The following NEK10 variants were observed in gnomAD, a reference collection of about 807,000 sequenced individuals.
NEK10 encodes NIMA related kinase 10.
NEK10 carries 122 observed loss-of-function variants against 159.8 expected under a neutral mutation model. The ratio of observed to expected loss-of-function variants is 0.76; its 90% CI spans 0.66 to 0.89. The LOEUF (loss-of-function observed/expected upper bound fraction) is 0.89, where lower values mean the gene tolerates loss of function less well. Ranked by LOEUF, NEK10 falls within the 40% of genes least tolerant of loss-of-function variation. NEK10 has a pLI of 0.00. For missense variants in NEK10, 1,342 were observed against 1,323.1 expected, an observed-to-expected ratio of 1.01 and a Z score of -0.22; for synonymous variants, 466 against 457.1, an observed-to-expected ratio of 1.02 and a Z score of -0.25.
intron 26 of NEK10, among the ~76,000 whole-genome samples, chr3:27,191,808 A>C (rs560141232): frequency 6.6e-6 from 1 of 152,226 alleles, no homozygotes; most frequent in Non-Finnish European, 1.5e-5. Context: ...GATTTTTGCA[A>C]AAATAAAATA....
At chr3:27,242,039 T>C (rs1954612136) in intron 23 of NEK10, among the ~76,000 whole-genome samples, 1 of 152,174 alleles carries the variant, frequency 6.6e-6, no homozygotes, top group African/African-American at 2.4e-5. Flanking sequence ...ATGGTTAAAC[T>C]TGAATCAAGA....
rs576127738 is a variant in NEK10 at position 27,107,677 on chromosome 3, C to G, written c.*3595G>C. ...ATTAAGCTTCCCTTACGTTGGAGCC[C>G]TTCATAGCTGTAACTCCAGGGTGCC... On this transcript the variant is annotated 3_prime_UTR_variant, in exon 36 of 36. Transcript: ENST00000691995. Among the ~76,000 whole-genome samples, 20 of 152,240 alleles carry G rather than the reference C, an allele frequency of 1.3e-4. No individual in the cohort carries two copies. Among genetic ancestry groups the G allele is most frequent in the African/African-American group, 4.8e-4 (20 of 41,546 alleles).
At chr3:27,321,631 G>A (rs2045646217) in intron 6 of NEK10, among the ~76,000 whole-genome samples, 1 of 152,176 alleles carries the variant, frequency 6.6e-6, no homozygotes, top group South Asian at 2.1e-4. Flanking sequence ...ATAGGCGTGA[G>A]CCACCATGCC....
At chr3:27,166,743 T>C (rs1946523060) in intron 29 of NEK10, among the ~76,000 whole-genome samples, 1 of 152,220 alleles carries the variant, frequency 6.6e-6, no homozygotes, top group East Asian at 1.9e-4. Flanking sequence ...GTGGATCACC[T>C]GAAGTCAAGA....
chr3:27,145,315 C>T (rs1178831586), intron 30 of NEK10, among the ~76,000 whole-genome samples: 3 of 152,072 alleles, frequency 2.0e-5, no homozygotes, highest in African/African-American at 7.2e-5. Context: ...AATATATACA[C>T]AATATTTGGT....
At position 27,337,033 on chromosome 3, in the gene NEK10, G is replaced by A. The variant is rs575016793; in HGVS notation, c.362+7239C>T. 5.3e-5 allele frequency among the ~76,000 whole-genome samples: 8 copies of A among 151,976 alleles called. No individual in the cohort carries two copies. In the East Asian group the frequency reaches 1.2e-3, roughly 22 times the overall value. Reference sequence around the variant, plus strand: ...AATAAAAGGCATACACATTTGGCGGGGGGGAAAGGAAGATGTACCTCTTTG... The same window carrying A: ...AATAAAAGGCATACACATTTGGCGGAGGGGAAAGGAAGATGTACCTCTTTG... On this transcript the variant is annotated intron_variant, in intron 5 of 35. Transcript: ENST00000691995.
chr3:27,306,573 G>A (rs138460032), intron 11 of NEK10, among the ~76,000 whole-genome samples: 67 of 152,250 alleles, frequency 4.4e-4, no homozygotes, highest in African/African-American at 1.5e-3. Flanking sequence ...AAACAAATTT[G>A]ATCATGCTTA....
chr3:27,210,907 A>G (rs1950951492), intron 23 of NEK10, among the ~76,000 whole-genome samples: 3 of 152,234 alleles, frequency 2.0e-5, no homozygotes, highest in Admixed American at 2.0e-4. Context: ...AGAGTGGTAG[A>G]TAACTGCTAC....
chr3:27,246,848 A>G (rs1955120531), intron 23 of NEK10, among the ~76,000 whole-genome samples: 1 of 152,046 alleles, frequency 6.6e-6, no homozygotes, highest in Non-Finnish European at 1.5e-5. Flanking sequence ...TAGGTATTTT[A>G]CTTTATTTGT....
intron 23 of NEK10, among the ~76,000 whole-genome samples, chr3:27,254,065 C>T (rs1045406005): frequency 5.3e-5 from 8 of 152,122 alleles, no homozygotes; most frequent in African/African-American, 1.2e-4. Flanking sequence ...ACCTCTCATC[C>T]GGTGCGCAGG....
chr3:27,284,944 C>G lies in NEK10; in HGVS notation c.1807G>C (p.Val603Leu), dbSNP rs1305990344. Residue 603 changes from valine (V) to leucine (L), a missense_variant, in exon 21 of 36, where the codon GTT becomes CTT. By Grantham distance (32) the Val-to-Leu change is conservative (BLOSUM62 1). Coordinates refer to ENST00000691995, the MANE Select transcript of NEK10 (RefSeq NM_001394966.1). ...TFLENDRLYI[V>L]MELIEGAPLG... ...GGGGCTCCTTCTATCAGCTCCATAA[C>G]TATGTACAACCTATCATCTATATAA... is the stretch of plus-strand genomic sequence containing the variant. 6.2e-7 allele frequency: 1 copy of G among 1,603,798 alleles called. No individual in the cohort carries two copies. Among genetic ancestry groups the G allele is most frequent in the East Asian group, 2.2e-5 (1 of 44,824 alleles).
At chr3:27,273,605 A>G (rs2041544242) in intron 22 of NEK10, among the ~76,000 whole-genome samples, 1 of 152,204 alleles carries the variant, frequency 6.6e-6, no homozygotes, top group South Asian at 2.1e-4. Context: ...AAAAATTTTT[A>G]TCATCTTAAA....
chr3:27,224,401 C>A (rs780299504), intron 23 of NEK10, among the ~76,000 whole-genome samples: 5 of 152,240 alleles, frequency 3.3e-5, no homozygotes, highest in Non-Finnish European at 7.3e-5. Context: ...TACTCCCGCC[C>A]CCACAACACT....
At chr3:27,289,829 T>C (rs767278442) in intron 19 of NEK10, among the ~76,000 whole-genome samples, 3 of 152,202 alleles carry the variant, frequency 2.0e-5, no homozygotes, top group Non-Finnish European at 2.9e-5. Flanking sequence ...AATGATAATA[T>C]TTACTATAAT....
intron 5 of NEK10, among the ~76,000 whole-genome samples, chr3:27,327,265 T>TA (rs1553637172): frequency 6.6e-6 from 1 of 152,128 alleles, no homozygotes; most frequent in African/African-American, 2.4e-5. Context: ...CAGAGTGGCA[T>TA]GGGGGCAGCC....
chr3:27,167,780 T>TA (rs1307546272), intron 29 of NEK10, among the ~76,000 whole-genome samples: 3 of 152,180 alleles, frequency 2.0e-5, no homozygotes, highest in African/African-American at 7.2e-5. Flanking sequence ...CTATATTCCT[T>TA]AAAAAAAGTT....
chr3:27,230,902 GAT>G, intron 23 of NEK10, among the ~76,000 whole-genome samples: 1 of 151,954 alleles, frequency 6.6e-6, no homozygotes, highest in East Asian at 1.9e-4. Flanking sequence ...AAATGAGATA[GAT>G]AGCAACTCAA....
intron 30 of NEK10, among the ~76,000 whole-genome samples, 159 bp from the exon 31 acceptor site, chr3:27,141,741 T>C (rs1214660353): frequency 6.6e-6 from 1 of 152,216 alleles, no homozygotes; most frequent in Non-Finnish European, 1.5e-5. Flanking sequence ...TTTTATGACA[T>C]GGAATAAAAA....
chr3:27,191,567 A>T (rs931932968), intron 26 of NEK10, among the ~76,000 whole-genome samples: 1 of 152,244 alleles, frequency 6.6e-6, no homozygotes, highest in African/African-American at 2.4e-5. Context: ...ACATATTCTG[A>T]TTTGAAGCAT....
Sources: gnomAD v4.1 joint callset for allele counts (sites outside exome capture counted in the v4.1 genomes callset) on GRCh38, gnomAD v4.1.1 for gene constraint, MANE v1.5 for transcripts, NCBI Gene and HGNC (gene_info 2026-07-23, HGNC 2026-07-21) for gene names.